TBCK: variants seen among roughly 807,000 people sequenced by gnomAD.
TBCK encodes TBC domain-containing protein kinase-like protein.
Under a neutral mutation model 113.4 loss-of-function variants are expected in TBCK, and 99 were observed. The ratio of observed to expected loss-of-function variants is 0.87; its 90% CI spans 0.74 to 1.03. TBCK has a LOEUF of 1.03. TBCK is among the 50% of genes least tolerant of loss of function. TBCK has a pLI of 0.00. For synonymous variants in TBCK, 369 were observed against 370.8 expected (o/e 1.00, Z 0.05); for missense variants, 1,045 against 1,061.3 (o/e 0.98, Z 0.21).
chr4:106,061,438 CTT>C (rs34326247), intron 25 of TBCK, among the ~76,000 whole-genome samples: 8 of 142,022 alleles, frequency 5.6e-5, no homozygotes, highest in African/African-American at 1.5e-4. Flanking sequence ...TGTTAGCATA[CTT>C]TTTTTTTTTT....
intron 25 of TBCK, among the ~76,000 whole-genome samples, chr4:106,094,005 T>A (rs1740628796): frequency 6.6e-6 from 1 of 152,038 alleles, no homozygotes; most frequent in South Asian, 2.1e-4. Context: ...ATGTGTGGGG[T>A]AGTGGTATAT....
intron 22 of TBCK, among the ~76,000 whole-genome samples, chr4:106,186,804 A>T (rs758902914): frequency 5.3e-5 from 8 of 151,986 alleles, no homozygotes; most frequent in Non-Finnish European, 1.0e-4. Context: ...AGTCATAAAT[A>T]CTTTCCCAAG....
intron 23 of TBCK, among the ~76,000 whole-genome samples, chr4:106,133,748 C>T (rs1579007509): frequency 2.6e-5 from 4 of 152,182 alleles, no homozygotes; most frequent in Non-Finnish European, 4.4e-5. Flanking sequence ...TGATGGCTCA[C>T]GCCTGTAATC....
intron 12 of TBCK, among the ~76,000 whole-genome samples, chr4:106,237,854 T>C (rs1393441347): frequency 6.6e-6 from 1 of 152,116 alleles, no homozygotes; most frequent in Non-Finnish European, 1.5e-5. Flanking sequence ...TAAAGATTAG[T>C]TTTCAGTATA....
rs1763608305 is a variant in TBCK at position 106,272,569 on chromosome 4, G to GC, written c.267-10358dup. On this transcript the variant is annotated intron_variant, in intron 3 of 25. Transcript: ENST00000394708. ...TGCAGAGGTGCGATCTTGGCTCACT[G>GC]CAAGCTCCGTCTCCCAGGTTCATGC... 2.1e-5 allele frequency among the ~76,000 whole-genome samples: 3 copies of GC among 144,506 alleles called. No individual in the cohort carries two copies. In the Admixed American group the frequency reaches 2.2e-4, roughly 10 times the overall value. The allele number at this position is 144,506 out of a possible 152,430, so 94.8% of individuals were successfully genotyped here.
At chr4:106,223,148 G>C (rs1425851260) in intron 19 of TBCK, among the ~76,000 whole-genome samples, 2 of 152,062 alleles carry the variant, frequency 1.3e-5, no homozygotes, top group Non-Finnish European at 2.9e-5. Flanking sequence ...ATTAAGCAAA[G>C]ATGTGCACTA....
intron 22 of TBCK, among the ~76,000 whole-genome samples, chr4:106,176,986 C>A (rs980495726): frequency 6.8e-6 from 1 of 147,320 alleles, no homozygotes; most frequent in Non-Finnish European, 1.5e-5. Flanking sequence ...AATACAGGGT[C>A]TCACTAAGTT....
intron 20 of TBCK, among the ~76,000 whole-genome samples, chr4:106,198,275 A>G (rs147534864): frequency 1.3e-5 from 2 of 152,266 alleles, no homozygotes; most frequent in African/African-American, 4.8e-5. Flanking sequence ...TGTCATAGAG[A>G]TGGTGTGATG....
chr4:106,239,219 C>A (rs1419439410), intron 12 of TBCK, among the ~76,000 whole-genome samples: 1 of 152,078 alleles, frequency 6.6e-6, no homozygotes, highest in African/African-American at 2.4e-5. Context: ...AAATACCCAA[C>A]TCCAGCCCCT....
At chr4:106,232,902 A>C in intron 17 of TBCK, 36 bp downstream of exon 17, 1 of 1,573,814 alleles carries the variant, frequency 6.4e-7, no homozygotes, top group Non-Finnish European at 8.6e-7. Flanking sequence ...CAATTTTCTA[A>C]TACTCCAGAG....
At chr4:106,211,523 G>A (rs940657966) in intron 20 of TBCK, among the ~76,000 whole-genome samples, 2 of 152,128 alleles carry the variant, frequency 1.3e-5, no homozygotes, top group Middle Eastern at 3.4e-3. Context: ...TATTTTAGTT[G>A]TATACACACA....
intron 22 of TBCK, among the ~76,000 whole-genome samples, chr4:106,177,444 G>A (rs1579137377): frequency 6.6e-6 from 1 of 151,844 alleles, no homozygotes; most frequent in Non-Finnish European, 1.5e-5. Flanking sequence ...TTTCCACAAC[G>A]TGGTCTAGTA....
chr4:106,232,092 T>C (rs1303812770), intron 17 of TBCK, among the ~76,000 whole-genome samples: 2 of 151,814 alleles, frequency 1.3e-5, no homozygotes, highest in Admixed American at 6.6e-5. Flanking sequence ...AAATGTACAA[T>C]CTTGGCAATT....
intron 2 of TBCK, among the ~76,000 whole-genome samples, chr4:106,299,698 C>T (rs73839414): frequency 0.018 from 2,757 of 152,086 alleles, 76 homozygotes; most frequent in African/African-American, 0.061. Context: ...AATCTCTGGA[C>T]CACTGTTTAA....
At chr4:106,157,537 T>C (rs1749268787) in intron 23 of TBCK, among the ~76,000 whole-genome samples, 1 of 152,152 alleles carries the variant, frequency 6.6e-6, no homozygotes, top group South Asian at 2.1e-4. Flanking sequence ...GGATGGGCAA[T>C]TCCCCTCTGG....
intron 25 of TBCK, among the ~76,000 whole-genome samples, chr4:106,058,825 T>C (rs1735719475): frequency 6.6e-6 from 1 of 151,592 alleles, no homozygotes; most frequent in Admixed American, 6.6e-5. Flanking sequence ...AAAAGCTCAG[T>C]CTAGTGTAGG....
intron 19 of TBCK, among the ~76,000 whole-genome samples, chr4:106,219,730 G>A (rs1049694871): frequency 6.6e-6 from 1 of 151,426 alleles, no homozygotes; most frequent in Non-Finnish European, 1.5e-5. Context: ...ATATAGACTG[G>A]GTTTTGCTAT....
chr4:106,276,206 A>C (rs1041717123), intron 3 of TBCK, among the ~76,000 whole-genome samples: 1 of 152,216 alleles, frequency 6.6e-6, no homozygotes, highest in South Asian at 2.1e-4. Context: ...AGGCAACTGG[A>C]TATCAGTATG....
chr4:106,052,177 G>C (rs1374183196), intron 25 of TBCK, among the ~76,000 whole-genome samples: 1 of 151,602 alleles, frequency 6.6e-6, no homozygotes, highest in Non-Finnish European at 1.5e-5. Context: ...TTAGGCAGTG[G>C]TTGCTGTATT....
Sources: gnomAD v4.1 joint callset for allele counts (sites outside exome capture counted in the v4.1 genomes callset) on GRCh38, gnomAD v4.1.1 for gene constraint, MANE v1.5 for transcripts, NCBI Gene and HGNC (gene_info 2026-07-23, HGNC 2026-07-21) for gene names.